WIPF1: variants seen among roughly 807,000 people sequenced by gnomAD.
The protein encoded by WIPF1 is WAS/WASL interacting protein family member 1.
Under a neutral mutation model 35.4 loss-of-function variants are expected in WIPF1, and 13 were observed. The observed-to-expected ratio is 0.37, with a 90% CI of 0.24 to 0.58. WIPF1 has a LOEUF of 0.58. WIPF1 is among the 20% of genes least tolerant of loss of function. WIPF1 has a pLI of 0.74. For synonymous variants in WIPF1, 267 were observed against 266.3 expected, an observed-to-expected ratio of 1.00 and a Z score of -0.02; for missense variants, 591 against 667.0, an observed-to-expected ratio of 0.89 and a Z score of 1.25.
At chr2:174,657,999 C>T (rs1687683123) in intron 1 of WIPF1, among the ~76,000 whole-genome samples, 1 of 151,736 alleles carries the variant, frequency 6.6e-6, no homozygotes, top group Admixed American at 6.6e-5. Flanking sequence ...TGACTAGATG[C>T]CCCCTCGGAT....
Position 174,571,849 on chromosome 2 carries a change from G to A in WIPF1, c.956C>T (p.Pro319Leu). Residue 319 changes from proline (P) to leucine (L), a missense_variant, in exon 5 of 8, where the codon CCT (proline) becomes CTT (leucine). Pro to Leu is a moderately conservative substitution (Grantham distance 98, BLOSUM62 -3). This residue lies in a region of WIPF1 where 471 missense variants were observed against 501.1 expected (regional missense o/e 0.94). Coordinates refer to ENST00000679041, the MANE Select transcript of WIPF1 (RefSeq NM_001375834.1). This position sits in a 1 kb window ranked among gnomAD's most constrained non-coding sequence, Gnocchi z 4.6. Reference protein sequence around the residue: ...PPPPPSRPGPPPLPPSSSGND... With the variant: ...PPPPPSRPGPLPLPPSSSGND... The stretch of plus-strand genomic sequence containing the variant: ...GCCGCTGGAACTTGGAGGCAGAGGA[G>A]GCGGCCCGGGCCTGCTGGGAGGTGG... 1.2e-6 allele frequency: 2 copies of A among 1,614,104 alleles called. No homozygotes were observed. The highest frequency in any genetic ancestry group is 2.2e-5 in the South Asian group (2 of 91,080).
At chr2:174,633,172 C>T (rs1687080837) in intron 1 of WIPF1, among the ~76,000 whole-genome samples, 2 of 152,182 alleles carry the variant, frequency 1.3e-5, no homozygotes, top group South Asian at 4.1e-4. Flanking sequence ...AGCTTTGTCT[C>T]CATTTTCTTG....
chr2:174,669,662 G>A (rs1687965614), intron 1 of WIPF1, among the ~76,000 whole-genome samples: 1 of 152,194 alleles, frequency 6.6e-6, no homozygotes, highest in Non-Finnish European at 1.5e-5. Flanking sequence ...ACTGCTTGAG[G>A]CCAGGTGTTC....
At chr2:174,661,741 G>C (rs79440178) in intron 1 of WIPF1, among the ~76,000 whole-genome samples, 1 of 152,080 alleles carries the variant, frequency 6.6e-6, no homozygotes, top group Non-Finnish European at 1.5e-5. Flanking sequence ...CCTCAACAGT[G>C]AGCACTTAAT....
chr2:174,633,369 G>A (rs947877601), intron 1 of WIPF1, among the ~76,000 whole-genome samples: 8 of 152,174 alleles, frequency 5.3e-5, no homozygotes, highest in Non-Finnish European at 1.5e-5. Flanking sequence ...GGGCTAGAAT[G>A]AAGACATGAA....
chr2:174,585,899 AAGC>A (rs1230156664), intron 1 of WIPF1, among the ~76,000 whole-genome samples: 3 of 152,106 alleles, frequency 2.0e-5, no homozygotes, highest in Non-Finnish European at 4.4e-5. Context: ...GGGCCCAGTT[AAGC>A]AGGAAGGTCT....
At chr2:174,566,461 T>C (rs191154597) in intron 7 of WIPF1, 2 of 152,268 alleles carry the variant, frequency 1.3e-5, no homozygotes, top group East Asian at 3.9e-4. Flanking sequence ...ATAAAAACCA[T>C]GTGATAACAT....
intron 1 of WIPF1, among the ~76,000 whole-genome samples, chr2:174,632,400 G>A (rs1213556757): frequency 6.6e-6 from 1 of 152,154 alleles, no homozygotes; most frequent in Non-Finnish European, 1.5e-5. Flanking sequence ...GCTTTTGGAA[G>A]GATGCATTTA....
chr2:174,597,812 C>T (rs1173830339), upstream of WIPF1: 1 of 152,556 alleles, frequency 6.6e-6, no homozygotes, highest in Non-Finnish European at 1.5e-5. Flanking sequence ...TGTGGTTATT[C>T]GCTTCCTGTC....
intron 1 of WIPF1, among the ~76,000 whole-genome samples, chr2:174,631,387 CTACTTATATGAGG>C (rs1188480957): frequency 6.6e-6 from 1 of 152,086 alleles, no homozygotes; most frequent in Non-Finnish European, 1.5e-5. Flanking sequence ...TTATATAATT[CTACTTATATGAGG>C]TACCTAGAAA....
chr2:174,678,300 T>C (rs748446652), intron 1 of WIPF1, among the ~76,000 whole-genome samples: 28 of 152,250 alleles, frequency 1.8e-4, no homozygotes, highest in Non-Finnish European at 3.4e-4. Flanking sequence ...AAATGTTACA[T>C]AGCAACATAT....
intron 1 of WIPF1, chr2:174,673,119 G>C (rs1688055347): frequency 6.6e-6 from 1 of 152,202 alleles, no homozygotes; most frequent in African/African-American, 2.4e-5. Context: ...TATGCCGCAA[G>C]AGAAAAGGTG....
At chr2:174,670,361 T>C (rs1038476985) in intron 1 of WIPF1, among the ~76,000 whole-genome samples, 6 of 152,208 alleles carry the variant, frequency 3.9e-5, no homozygotes, top group African/African-American at 7.2e-5. Context: ...GGAAAGCTTC[T>C]ATTAGGATTC....
rs1388934825 is a variant in WIPF1 at position 174,627,540 on chromosome 2, TTCTC to T, written c.-38-41933_-38-41930del. ...CTTCCCTCCCTCCTTCTCTCTTTCT[TTCTC>T]TTTCTTTTTTTTTTTTGAGACAGTC... On this transcript the variant is annotated intron_variant, in intron 1 of 8. Coordinates refer to the WIPF1 transcript ENST00000272746. Among the ~76,000 whole-genome samples, 183 of 150,622 alleles carry T rather than the reference TTCTC, an allele frequency of 1.2e-3. 5 individuals carry two copies. The highest frequency in any genetic ancestry group is 6.8e-4 in the Non-Finnish European group (46 of 67,640).
intron 7 of WIPF1, 200 bp downstream of exon 7, chr2:174,566,870 T>A (rs1684676980): frequency 1.9e-6 from 1 of 530,380 alleles, no homozygotes; most frequent in Admixed American, 3.4e-5. Flanking sequence ...AATGACACAT[T>A]AAAATAACTG....
chr2:174,567,328 G>A lies in WIPF1; in HGVS notation c.1343-145C>T, dbSNP rs2303891. The A allele has an allele frequency of 0.2, 148,524 of 753,362 alleles. 16,449 individuals carry two copies. Among genetic ancestry groups the A allele is most frequent in the East Asian group, 0.25 (9,436 of 37,178 alleles). The allele number at this position is 753,362 out of a possible 1,614,324, so 46.7% of individuals were successfully genotyped here. ...CTAGAAGTTTACAGAAAAGCTGGAA[G>A]TGCTACAAAGGTCACGAATTAGTAC... On this transcript the variant is annotated intron_variant, in intron 6 of 7. Coordinates refer to ENST00000679041, the MANE Select transcript of WIPF1 (RefSeq NM_001375834.1).
intron 1 of WIPF1, among the ~76,000 whole-genome samples, chr2:174,675,087 C>G (rs114738791): frequency 1.5e-4 from 23 of 151,948 alleles, no homozygotes; most frequent in Admixed American, 1.5e-3. Flanking sequence ...TTATATTAAA[C>G]GCAATTGTGG....
chr2:174,642,564 G>A (rs544233549), intron 1 of WIPF1, among the ~76,000 whole-genome samples: 387 of 151,916 alleles, frequency 2.5e-3, no homozygotes, highest in African/African-American at 8.7e-3. Flanking sequence ...AGCCAGGATA[G>A]TCTCCATCTC....
rs2105806806 is a variant in WIPF1, at chr2:174,572,076, G to A, written c.729C>T (p.Ser243=). The change falls in exon 5 of 8, where the codon TCC becomes TCT. Residue 243 remains serine, a synonymous_variant. Transcript: ENST00000679041. The part of the protein sequence containing the change: ...GSIRQSPLSS[S]SPFSNRPPLP... ...GGGGAGGCCGGTTGGAGAAGGGCGAGGAGGAGCTCAAGGGGGACTGACGTA... is the reference window on the plus strand; with the variant it reads ...GGGGAGGCCGGTTGGAGAAGGGCGAAGAGGAGCTCAAGGGGGACTGACGTA... 1 of 1,567,678 alleles carries A rather than the reference G, an allele frequency of 6.4e-7. No individual in the cohort carries two copies. Among genetic ancestry groups the A allele is most frequent in the Non-Finnish European group, 8.6e-7 (1 of 1,158,444 alleles).
Sources: gnomAD v4.1 joint callset for allele counts (sites outside exome capture counted in the v4.1 genomes callset) on GRCh38, gnomAD v4.1.1 for gene constraint, gnomAD v4.1.1 regional missense constraint, Gnocchi (gnomAD v3.1) non-coding constraint, MANE v1.5 for transcripts, NCBI Gene and HGNC (gene_info 2026-07-23, HGNC 2026-07-21) for gene names.